Variants in EEA1 observed in about 807,000 individuals in gnomAD.
EEA1 encodes the protein early endosome antigen 1, 162kD.
A neutral mutation model predicts 209.2 loss-of-function variants in EEA1; 111 were observed. The observed-to-expected ratio is 0.53, with a 90% CI of 0.45 to 0.62. The LOEUF (loss-of-function observed/expected upper bound fraction) is 0.62. Ranked by LOEUF, EEA1 falls within the 20% of genes least tolerant of loss-of-function variation. The pLI is 0.00. For missense variants in EEA1, 1,343 were observed against 1,530.8 expected, an observed-to-expected ratio of 0.88 and a Z score of 2.05; for synonymous variants, 536 against 540.6, an observed-to-expected ratio of 0.99 and a Z score of 0.12.
At chr12:92,911,348 T>C (rs1424646510) in intron 1 of EEA1, among the ~76,000 whole-genome samples, 1 of 152,170 alleles carries the variant, frequency 6.6e-6, no homozygotes, top group Non-Finnish European at 1.5e-5. Flanking sequence ...CTTAAACATA[T>C]ATTACTAAGT....
chr12:92,820,774 TAC>T lies in EEA1; in HGVS notation c.1525-1265_1525-1264del, dbSNP rs879743224. 9.9e-3 allele frequency among the ~76,000 whole-genome samples: 616 copies of T among 61,954 alleles called. 4 individuals are homozygous for T. The highest frequency in any genetic ancestry group is 0.043 in the South Asian group (78 of 1,820). 40.6% of individuals were successfully genotyped at this position (61,954 alleles called of 152,430 possible). ...CTTAAAGTATATATATATATATATA[TAC>T]ACACACACACACATATATATATGTA... On this transcript the variant is annotated intron_variant, in intron 13 of 28. Coordinates refer to ENST00000322349, the MANE Select transcript of EEA1 (RefSeq NM_003566.4).
intron 3 of EEA1, among the ~76,000 whole-genome samples, chr12:92,863,512 AAC>A (rs1263487381): frequency 6.6e-6 from 1 of 152,226 alleles, no homozygotes; most frequent in Non-Finnish European, 1.5e-5. Flanking sequence ...GCTGGCATCC[AAC>A]ACAGACTTCC....
chr12:92,858,560 A>C (rs1159286390), intron 3 of EEA1: 1 of 764,018 alleles, frequency 1.3e-6, no homozygotes, highest in East Asian at 2.5e-5. Flanking sequence ...TTAGCATACA[A>C]GCTTAAAGCC....
At chr12:92,777,832 A>G (rs1873726191) in intron 26 of EEA1, 109 bp downstream of exon 26, 4 of 1,267,670 alleles carry the variant, frequency 3.2e-6, no homozygotes, top group Non-Finnish European at 4.4e-6. Flanking sequence ...ATACCTATAG[A>G]GGCTTATGCA....
chr12:92,822,986 C>T (rs952360624), intron 13 of EEA1, among the ~76,000 whole-genome samples: 7 of 152,152 alleles, frequency 4.6e-5, no homozygotes, highest in African/African-American at 1.7e-4. Flanking sequence ...TCCCTCATCC[C>T]TTTTATCTAT....
intron 10 of EEA1, among the ~76,000 whole-genome samples, chr12:92,837,078 A>C (rs1474085546): frequency 6.7e-6 from 1 of 150,358 alleles, no homozygotes; most frequent in Non-Finnish European, 1.5e-5. Flanking sequence ...CTGAGATCGC[A>C]CCACTGCACT....
intron 21 of EEA1, among the ~76,000 whole-genome samples, chr12:92,798,378 T>C (rs894623108): frequency 2.0e-5 from 3 of 151,722 alleles, no homozygotes; most frequent in African/African-American, 7.3e-5. Context: ...AGTACCTCTG[T>C]CGCCCAGGCT....
At chr12:92,835,975 A>C (rs1876913169) in intron 10 of EEA1, among the ~76,000 whole-genome samples, 1 of 152,196 alleles carries the variant, frequency 6.6e-6, no homozygotes, top group South Asian at 2.1e-4. Context: ...TTCCCATGGA[A>C]TCTGAAGCAA....
intron 18 of EEA1, among the ~76,000 whole-genome samples, chr12:92,804,486 C>T (rs1351092090): frequency 6.7e-6 from 1 of 149,706 alleles, no homozygotes; most frequent in African/African-American, 2.5e-5. Context: ...GCAGGAGAAT[C>T]GCTTGAACCC....
At chr12:92,873,692 T>C (rs1229195408) in intron 2 of EEA1, among the ~76,000 whole-genome samples, 4 of 152,178 alleles carry the variant, frequency 2.6e-5, no homozygotes, top group African/African-American at 9.7e-5. Context: ...GAATCCTGGA[T>C]TCATATCACT....
intron 11 of EEA1, among the ~76,000 whole-genome samples, chr12:92,830,162 T>G (rs1876560976): frequency 6.6e-6 from 1 of 152,168 alleles, no homozygotes; most frequent in South Asian, 2.1e-4. Flanking sequence ...TTTTTTAAAT[T>G]TTTTCAAATA....
intron 2 of EEA1, chr12:92,884,619 G>A: frequency 7.2e-7 from 1 of 1,386,660 alleles, no homozygotes; most frequent in Admixed American, 1.7e-5. Context: ...GGTGGTGGAG[G>A]CCAATACTTT....
At chr12:92,905,777 T>C (rs1880357568) in intron 1 of EEA1, among the ~76,000 whole-genome samples, 2 of 152,206 alleles carry the variant, frequency 1.3e-5, no homozygotes, top group African/African-American at 2.4e-5. Context: ...AAAAATGTTA[T>C]TGTTTACTTA....
At chr12:92,837,912 C>G (rs989570929) in intron 10 of EEA1, among the ~76,000 whole-genome samples, 1 of 152,088 alleles carries the variant, frequency 6.6e-6, no homozygotes, top group African/African-American at 2.4e-5. Context: ...TCACCACTGT[C>G]AATAATTATG....
chr12:92,866,686 T>C (rs941623963), intron 2 of EEA1, among the ~76,000 whole-genome samples: 2 of 152,164 alleles, frequency 1.3e-5, no homozygotes, highest in African/African-American at 2.4e-5. Context: ...CCCAAATCCA[T>C]CTATCTAGCC....
rs371858299 is a variant in EEA1, at chr12:92,779,184, T to C, written c.3585A>G (p.Ile1195Met). 2 of 1,611,738 alleles carry C rather than the reference T, an allele frequency of 1.2e-6. No individual in the cohort carries two copies. The highest frequency in any genetic ancestry group is 1.7e-6 in the Non-Finnish European group (2 of 1,179,420). ...CTTCCTTTTTCACCTGGTCTTTTAG[T>C]ATCTGCTGATTTCTCTTCTCCTGTT... ...AVEQEKRNQQ[I>M]LKDQVKKEEE... The change falls in exon 25 of 29, where the codon ATA becomes ATG. Residue 1195 changes from isoleucine (I) to methionine (M), a missense_variant. By Grantham distance (10) the Ile-to-Met change is conservative. Transcript: ENST00000322349.
In EEA1 at chr12:92,828,154, A is replaced by ATAAG. The variant is rs568539455; in HGVS notation, c.1255-97_1255-94dup. The ATAAG allele has an allele frequency of 3.8e-4, 375 of 991,382 alleles. 3 individuals are homozygous for ATAAG. In the East Asian group the frequency reaches 0.011, roughly 30 times the overall value. The allele number at this position is 991,382 out of a possible 1,614,324, so 61.4% of individuals were successfully genotyped here. A position where few individuals can be genotyped will look rare whatever the true frequency, so the allele number is the denominator to read the frequency against. ...AAACAATGTTTTACTTTTCACCAAA[A>ATAAG]TAAGTACAATATCTTAATTTTCGTG... On this transcript the variant is annotated intron_variant, in intron 11 of 28. Coordinates refer to ENST00000322349, the MANE Select transcript of EEA1 (RefSeq NM_003566.4).
chr12:92,800,141 G>C (rs1054355332), intron 20 of EEA1, among the ~76,000 whole-genome samples: 1 of 152,000 alleles, frequency 6.6e-6, no homozygotes, highest in African/African-American at 2.4e-5. Flanking sequence ...AGAATCGCTT[G>C]AACTTAGGAG....
At chr12:92,777,745 T>C in intron 26 of EEA1, 82 bp from the exon 27 acceptor site, 15 of 1,399,408 alleles carry the variant, frequency 1.1e-5, no homozygotes, top group Non-Finnish European at 1.4e-5. Flanking sequence ...TGGACTACTT[T>C]AGTAATTTAA....
Sources: gnomAD v4.1 joint callset for allele counts (sites outside exome capture counted in the v4.1 genomes callset) on GRCh38, gnomAD v4.1.1 for gene constraint, MANE v1.5 for transcripts, NCBI Gene and HGNC (gene_info 2026-07-23, HGNC 2026-07-21) for gene names.